Variants in OR2AP1 observed in about 807,000 individuals in gnomAD.
The protein encoded by OR2AP1 is olfactory receptor family 2 subfamily AP member 1.
A neutral mutation model predicts 13.9 loss-of-function variants in OR2AP1; 20 were observed. That is an observed-to-expected ratio of 1.44 (90% CI 1.01 to 2.09). OR2AP1 has a LOEUF of 2.09. OR2AP1 is among the 30% of genes most tolerant of loss of function. The pLI is 0.00. For synonymous variants in OR2AP1, 174 were observed against 137.0 expected, an observed-to-expected ratio of 1.27 and a Z score of -1.89; for missense variants, 490 against 360.6, an observed-to-expected ratio of 1.36 and a Z score of -2.91.
Position 55,575,090 on chromosome 12 carries a change from C to A in OR2AP1, c.676C>A (p.Leu226Ile). The change falls in exon 2 of 2, where the codon CTC (leucine) becomes ATC (isoleucine). Residue 226 changes from leucine to isoleucine, a missense_variant. Transcript: ENST00000641114. ...YAFIIKTILKLPSAQQRTKAF... is the reference protein window; with the variant it reads ...YAFIIKTILKIPSAQQRTKAF... ...ATTCATTATCAAGACTATTCTGAAG[C>A]TCCCCTCTGCCCAACAAAGGACAAA... The A allele has an allele frequency of 6.4e-7, 1 of 1,567,782 alleles. No individual in the cohort carries two copies.
chr12:55,572,891 G>T (rs997866621), intron 1 of OR2AP1, among the ~76,000 whole-genome samples: 1 of 152,114 alleles, frequency 6.6e-6, no homozygotes, highest in Non-Finnish European at 1.5e-5. Context: ...TTATCACATG[G>T]GTCAGGTACA....
At position 55,575,367 on chromosome 12, in the gene OR2AP1, C is replaced by T. The variant is rs145952222; in HGVS notation, c.*23C>T. On this transcript the variant is annotated 3_prime_UTR_variant, in exon 2 of 2. Coordinates refer to ENST00000641114, the MANE Select transcript of OR2AP1 (RefSeq NM_001258285.2). ...TAAAGAATTTAAGAATTATGCATCGCGACATTATTCACAATAGCAAAGACT... is the reference window on the plus strand; with the variant it reads ...TAAAGAATTTAAGAATTATGCATCGTGACATTATTCACAATAGCAAAGACT... 7.2e-4 allele frequency: 963 copies of T among 1,339,450 alleles called. 5 individuals are homozygous for T. The African/African-American group carries it at 9.4e-3, about 13-fold the overall frequency. The allele number at this position is 1,339,450 out of a possible 1,614,324, so 83.0% of individuals were successfully genotyped here.
Position 55,574,635 on chromosome 12 carries a change from T to A in OR2AP1, c.221T>A (p.Ile74Asn), listed in dbSNP as rs1359354417. The change falls in exon 2 of 2, where the codon ATC (isoleucine) becomes AAC (asparagine). Residue 74 changes from isoleucine (I) to asparagine (N), a missense_variant. Coordinates refer to ENST00000641114, the MANE Select transcript of OR2AP1 (RefSeq NM_001258285.2). ...FSFLEISFTN[I>N]FIPRVLISIT... Reference sequence around the variant, plus strand: ...TTCTTGGAAATTTCCTTCACAAACATCTTCATTCCAAGGGTCCTGATTAGC... The same window carrying A: ...TTCTTGGAAATTTCCTTCACAAACAACTTCATTCCAAGGGTCCTGATTAGC... 1 of 1,543,060 alleles carries A rather than the reference T, an allele frequency of 6.5e-7. No homozygotes were observed. Among genetic ancestry groups the A allele is most frequent in the Admixed American group, 2.0e-5 (1 of 51,248 alleles).
Position 55,574,343 on chromosome 12 carries a change from A to G in OR2AP1, c.-72A>G, listed in dbSNP as rs994957152. 6 of 745,580 alleles carry G rather than the reference A, an allele frequency of 8.0e-6. No individual in the cohort carries two copies. Among genetic ancestry groups the G allele is most frequent in the Non-Finnish European group, 1.3e-5 (6 of 465,044 alleles). The allele number at this position is 745,580 out of a possible 1,614,324, so 46.2% of individuals were successfully genotyped here. On this transcript the variant is annotated 5_prime_UTR_variant, in exon 2 of 2. Transcript: ENST00000641114. Reference sequence around the variant, plus strand: ...TTGTCAGACTTCATCCGTTCATTTCAGAGCACCTCTTCCTTTCTCACTTTT... The same window carrying G: ...TTGTCAGACTTCATCCGTTCATTTCGGAGCACCTCTTCCTTTCTCACTTTT...
Position 55,575,357 on chromosome 12 carries a change from T to TG in OR2AP1, c.*13_*14insG. 7.0e-7 allele frequency: 1 copy of TG among 1,418,902 alleles called. No homozygotes were observed. The highest frequency in any genetic ancestry group is 9.4e-7 in the Non-Finnish European group (1 of 1,059,088). The allele number at this position is 1,418,902 out of a possible 1,614,324, so 87.9% of individuals were successfully genotyped here. On this transcript the variant is annotated 3_prime_UTR_variant, in exon 2 of 2. Coordinates refer to ENST00000641114, the MANE Select transcript of OR2AP1 (RefSeq NM_001258285.2). The stretch of plus-strand genomic sequence containing the variant: ...TCTGAATCTTTAAAGAATTTAAGAA[T>TG]TATGCATCGCGACATTATTCACAAT...
Position 55,575,059 on chromosome 12 carries a change from C to T in OR2AP1, c.645C>T (p.Ser215=), listed in dbSNP as rs1340766402. 1.3e-6 allele frequency: 2 copies of T among 1,544,312 alleles called. No individual in the cohort carries two copies. The highest frequency in any genetic ancestry group is 4.8e-5 in the East Asian group (2 of 41,446). The change falls in exon 2 of 2, where the codon TCC becomes TCT. Residue 215 remains serine (S), a synonymous_variant. Transcript: ENST00000641114. ...LVVTLVLVIL[S]YAFIIKTILK... Reference sequence around the variant, plus strand: ...TCACTCTGGTGCTAGTGATTCTCTCCTATGCATTCATTATCAAGACTATTC... The same window carrying T: ...TCACTCTGGTGCTAGTGATTCTCTCTTATGCATTCATTATCAAGACTATTC...
Position 55,574,600 on chromosome 12 carries a change from G to A in OR2AP1, c.186G>A (p.Arg62=), listed in dbSNP as rs943397556. The A allele has an allele frequency of 1.3e-6, 2 of 1,540,658 alleles. No individual in the cohort carries two copies. Among genetic ancestry groups the A allele is most frequent in the African/African-American group, 2.7e-5 (2 of 73,028 alleles). ...AGACTCCCATGTATTTCTTTCTCCG[G>A]AACTTCTCCTTCTTGGAAATTTCCT... The part of the protein sequence containing the change: ...HLQTPMYFFL[R]NFSFLEISFT... Residue 62 remains arginine, a synonymous_variant, in exon 2 of 2, where the codon CGG becomes CGA. Coordinates refer to ENST00000641114, the MANE Select transcript of OR2AP1 (RefSeq NM_001258285.2).
chr12:55,574,413 C>A lies in OR2AP1; in HGVS notation c.-2C>A, dbSNP rs1387117036. 3.4e-6 allele frequency: 5 copies of A among 1,489,524 alleles called. No individual in the cohort carries two copies. The highest frequency in any genetic ancestry group is 4.6e-5 in the Admixed American group (2 of 43,508). The allele number at this position is 1,489,524 out of a possible 1,614,324, so 92.3% of individuals were successfully genotyped here. A position where few individuals can be genotyped will look rare whatever the true frequency, so the allele number is the denominator to read the frequency against. ...ACTTTGAGACTCAAAATTTTTTCAACAATGAAAAATAAAACCGTGTTAACT... is the reference window on the plus strand; with the variant it reads ...ACTTTGAGACTCAAAATTTTTTCAAAAATGAAAAATAAAACCGTGTTAACT... On this transcript the variant is annotated 5_prime_UTR_variant, in exon 2 of 2. Coordinates refer to ENST00000641114, the MANE Select transcript of OR2AP1 (RefSeq NM_001258285.2).
intron 1 of OR2AP1, among the ~76,000 whole-genome samples, chr12:55,573,439 C>T (rs1293506750): frequency 6.6e-6 from 1 of 152,070 alleles, no homozygotes; most frequent in Non-Finnish European, 1.5e-5. Flanking sequence ...TTGAAATGCC[C>T]ATGAAGTACC....
chr12:55,575,092 C>T lies in OR2AP1; in HGVS notation c.678C>T (p.Leu226=), dbSNP rs534689224. 1 of 1,570,288 alleles carries T rather than the reference C, an allele frequency of 6.4e-7. No homozygotes were observed. Among genetic ancestry groups the T allele is most frequent in the Non-Finnish European group, 8.6e-7 (1 of 1,162,816 alleles). The change falls in exon 2 of 2, where the codon CTC becomes CTT. Residue 226 remains leucine (L), a synonymous_variant. Coordinates refer to ENST00000641114, the MANE Select transcript of OR2AP1 (RefSeq NM_001258285.2). ...TCATTATCAAGACTATTCTGAAGCT[C>T]CCCTCTGCCCAACAAAGGACAAAAG... is the stretch of plus-strand genomic sequence containing the variant. ...YAFIIKTILK[L]PSAQQRTKAF... is the part of the protein sequence containing the mutation.
rs1271209189 is a variant in OR2AP1, at chr12:55,575,554, A to G, written c.*210A>G. On this transcript the variant is annotated 3_prime_UTR_variant, in exon 2 of 2. Transcript: ENST00000641114. The stretch of plus-strand genomic sequence containing the variant: ...TCATTCTCAGTAAACTATCACAAGA[A>G]CAAAAAACCGAACACCACATATTCT... 3 of 395,620 alleles carry G rather than the reference A, an allele frequency of 7.6e-6. No homozygotes were observed. The highest frequency in any genetic ancestry group is 9.3e-6 in the Non-Finnish European group (2 of 214,414). The allele number at this position is 395,620 out of a possible 1,614,324, so 24.5% of individuals were successfully genotyped here. A position where few individuals can be genotyped will look rare whatever the true frequency, so the allele number is the denominator to read the frequency against.
In OR2AP1 at chr12:55,574,529, G is replaced by T; in HGVS notation, c.115G>T (p.Gly39Ter). 1 of 1,538,400 alleles carries T rather than the reference G, an allele frequency of 6.5e-7. No homozygotes were observed. Among genetic ancestry groups the T allele is most frequent in the East Asian group, 2.4e-5 (1 of 40,944 alleles). Reference sequence around the variant, plus strand: ...CCTTGCGTATTTACTCAGCATCCTTGGAAATCTGACTATCCTCATCCTCAC... The same window carrying T: ...CCTTGCGTATTTACTCAGCATCCTTTGAAATCTGACTATCCTCATCCTCAC... ...LFLAYLLSIL[G>*]NLTILILTLL... Residue 39 changes from glycine (G) to a stop codon, truncating the protein, a stop_gained, in exon 2 of 2, where the codon GGA becomes TGA. Coordinates refer to ENST00000641114, the MANE Select transcript of OR2AP1 (RefSeq NM_001258285.2). LOFTEE classifies it high-confidence loss of function.
intron 1 of OR2AP1, among the ~76,000 whole-genome samples, chr12:55,572,864 A>G (rs1049270645): frequency 6.6e-6 from 1 of 152,176 alleles, no homozygotes; most frequent in African/African-American, 2.4e-5. Context: ...TAAAAAGTAA[A>G]TAGAAAATAT....
Position 55,574,480 on chromosome 12 carries a change from G to C in OR2AP1, c.66G>C (p.Gln22His), listed in dbSNP as rs1032804386. 2 of 1,536,288 alleles carry C rather than the reference G, an allele frequency of 1.3e-6. No individual in the cohort carries two copies. The highest frequency in any genetic ancestry group is 2.0e-5 in the Admixed American group (1 of 50,986). ...GTCTAACAGATGTCCCTGAACTCCA[G>C]GTGGCAGTTTTCACCTTTCTTTTCC... ...LLGLTDVPEL[Q>H]VAVFTFLFLA... The change falls in exon 2 of 2, where the codon CAG becomes CAC. Residue 22 changes from glutamine (Q) to histidine (H), a missense_variant. Transcript: ENST00000641114.
In OR2AP1 at chr12:55,574,772, C is replaced by T. The variant is rs946938450; in HGVS notation, c.358C>T (p.Arg120Cys). Residue 120 changes from arginine (R) to cysteine (C), a missense_variant, in exon 2 of 2, where the codon CGC (arginine) becomes TGC (cysteine). By Grantham distance (180) the Arg-to-Cys change is radical. Transcript: ENST00000641114. Reference protein sequence around the residue: ...FYLLAAMSYDRYVAICKPLHY... With the variant: ...FYLLAAMSYDCYVAICKPLHY... ...CCTTCTGGCTGCCATGTCCTATGAC[C>T]GCTATGTGGCCATCTGCAAACCTCT... 8 of 1,606,270 alleles carry T rather than the reference C, an allele frequency of 5.0e-6. No individual in the cohort carries two copies. The highest frequency in any genetic ancestry group is 2.2e-5 in the East Asian group (1 of 44,618).
Position 55,574,497 on chromosome 12 carries a change from T to G in OR2AP1, c.83T>G (p.Phe28Cys). The G allele has an allele frequency of 6.5e-7, 1 of 1,536,812 alleles. No individual in the cohort carries two copies. Among genetic ancestry groups the G allele is most frequent in the South Asian group, 1.2e-5 (1 of 84,052 alleles). Residue 28 changes from phenylalanine (F) to cysteine (C), a missense_variant, in exon 2 of 2, where the codon TTT becomes TGT. Physicochemically the swap from Phe to Cys is radical, Grantham distance 205. Transcript: ENST00000641114. ...GAACTCCAGGTGGCAGTTTTCACCT[T>G]TCTTTTCCTTGCGTATTTACTCAGC... Reference protein sequence around the residue: ...VPELQVAVFTFLFLAYLLSIL... With the variant: ...VPELQVAVFTCLFLAYLLSIL...
rs1399910355 is a variant in OR2AP1 at position 55,575,334 on chromosome 12, T to A, written c.920T>A (p.Leu307Gln). ...TTCAAGGATATGGTCAAAAAGCTTC[T>A]GAATCTTTAAAGAATTTAAGAATTA... ...QPFKDMVKKL[L>Q]NL Residue 307 changes from leucine (L) to glutamine (Q), a missense_variant, in exon 2 of 2, where the codon CTG (leucine) becomes CAG (glutamine). By Grantham distance (113) the Leu-to-Gln change is moderately radical. Coordinates refer to ENST00000641114, the MANE Select transcript of OR2AP1 (RefSeq NM_001258285.2). 6.7e-7 allele frequency: 1 copy of A among 1,495,768 alleles called. No individual in the cohort carries two copies. Among genetic ancestry groups the A allele is most frequent in the Middle Eastern group, 1.7e-4 (1 of 5,766 alleles). The allele number at this position is 1,495,768 out of a possible 1,614,324, so 92.7% of individuals were successfully genotyped here.
intron 1 of OR2AP1, among the ~76,000 whole-genome samples, chr12:55,573,787 A>G (rs1874479733): frequency 6.6e-6 from 1 of 152,318 alleles, no homozygotes; most frequent in Middle Eastern, 3.4e-3. Flanking sequence ...ACAGAATAGC[A>G]TAACCCTAAT....
chr12:55,574,858 G>A lies in OR2AP1; in HGVS notation c.444G>A (p.Leu148=), dbSNP rs934591375. Residue 148 remains leucine (L), a synonymous_variant, in exon 2 of 2, where the codon CTG becomes CTA. Coordinates refer to ENST00000641114, the MANE Select transcript of OR2AP1 (RefSeq NM_001258285.2). ...ICIQLIFCSW[L]GGLMAIIPTI... ...TCCAGCTGATTTTCTGCTCTTGGCTGGGTGGGCTAATGGCTATTATACCAA... is the reference window on the plus strand; with the variant it reads ...TCCAGCTGATTTTCTGCTCTTGGCTAGGTGGGCTAATGGCTATTATACCAA... 9 of 1,567,564 alleles carry A rather than the reference G, an allele frequency of 5.7e-6. No homozygotes were observed. In the African/African-American group the frequency reaches 8.1e-5, roughly 14 times the overall value.
Sources: gnomAD v4.1 joint callset for allele counts (sites outside exome capture counted in the v4.1 genomes callset) on GRCh38, gnomAD v4.1.1 for gene constraint, MANE v1.5 for transcripts, NCBI Gene and HGNC (gene_info 2026-07-23, HGNC 2026-07-21) for gene names.